The following BTAF1 variants were observed in gnomAD, a reference collection of about 807,000 sequenced individuals.
BTAF1 encodes TATA-binding protein-associated factor 172.
BTAF1 carries 38 observed loss-of-function variants against 227.1 expected under a neutral mutation model. The ratio of observed to expected loss-of-function variants is 0.17; its 90% CI spans 0.13 to 0.22. The LOEUF (loss-of-function observed/expected upper bound fraction) is 0.22, where lower values mean the gene tolerates loss of function less well. BTAF1 is among the 10% of genes least tolerant of loss of function. BTAF1 has a pLI of 1.00. For missense variants in BTAF1, 1,598 were observed against 2,204.0 expected, an observed-to-expected ratio of 0.73 and a Z score of 5.51; for synonymous variants, 742 against 751.9, an observed-to-expected ratio of 0.99 and a Z score of 0.21.
intron 20 of BTAF1, among the ~76,000 whole-genome samples, chr10:91,991,634 T>A (rs1334493748): frequency 6.6e-6 from 1 of 151,324 alleles, no homozygotes. Context: ...CCTGTAGTCC[T>A]AACTCCTCAG....
At chr10:92,024,732 G>GTTTTTTTTTTTTTTTTTTTTTTTTTT in intron 34 of BTAF1, 24 bp from the exon 35 acceptor site, 3 of 1,267,284 alleles carry the variant, frequency 2.4e-6, no homozygotes, top group African/African-American at 1.6e-5. Context: ...CGCTTATGTA[G>GTTTTTTTTTTTTTTTTTTTTTTTTTT]TTTTTTTTTT....
chr10:91,981,139 T>C (rs2133980848), intron 15 of BTAF1, among the ~76,000 whole-genome samples: 1 of 152,300 alleles, frequency 6.6e-6, no homozygotes, highest in African/African-American at 2.4e-5. Flanking sequence ...TGCCATAGGC[T>C]AGTCCTAGCC....
rs1382764527 is a variant in BTAF1 at position 91,999,616 on chromosome 10, C to T, written c.3660+1865C>T. On this transcript the variant is annotated intron_variant, in intron 25 of 37. Transcript: ENST00000265990. ...TCCTTTTTGATCAGGCTGGTCTAAA[C>T]TCCCAACCTCAGGTGATCCTCCCGC... Among the ~76,000 whole-genome samples, 5 of 152,284 alleles carry T rather than the reference C, an allele frequency of 3.3e-5. No individual in the cohort carries two copies. In the East Asian group the frequency reaches 9.6e-4, roughly 29 times the overall value.
At chr10:92,016,964 G>C (rs1294500289) in intron 33 of BTAF1, among the ~76,000 whole-genome samples, 1 of 152,088 alleles carries the variant, frequency 6.6e-6, no homozygotes. Flanking sequence ...TGCAATATAT[G>C]TTTGTATATT....
intron 14 of BTAF1, among the ~76,000 whole-genome samples, chr10:91,978,128 A>G (rs944237452): frequency 6.6e-6 from 1 of 152,346 alleles, no homozygotes; most frequent in African/African-American, 2.4e-5. Context: ...CACACAGAAT[A>G]GTTTAACTGC....
chr10:92,025,502 T>C (rs1436584408), intron 35 of BTAF1, among the ~76,000 whole-genome samples: 2 of 151,066 alleles, frequency 1.3e-5, no homozygotes, highest in East Asian at 3.9e-4. Flanking sequence ...ACTTCAAGAG[T>C]AGCCATTTTT....
chr10:92,001,343 A>G (rs1849514766), intron 25 of BTAF1, among the ~76,000 whole-genome samples: 1 of 152,224 alleles, frequency 6.6e-6, no homozygotes, highest in East Asian at 1.9e-4. Flanking sequence ...ATTCATCTGC[A>G]TGTACTGTGA....
At chr10:92,010,947 G>A (rs1229340412) in intron 28 of BTAF1, 126 bp from the exon 29 acceptor site, 2 of 726,030 alleles carry the variant, frequency 2.8e-6, no homozygotes, top group Non-Finnish European at 4.8e-6. Context: ...TCAGGGTCAT[G>A]TATGTAGAGT....
chr10:91,983,942 C>A (rs1450235585), intron 18 of BTAF1, among the ~76,000 whole-genome samples: 1 of 150,538 alleles, frequency 6.6e-6, no homozygotes, highest in Non-Finnish European at 1.5e-5. Flanking sequence ...TATATATACA[C>A]GTGTAAACTT....
At chr10:91,994,711 G>A (rs1283343251) in intron 23 of BTAF1, 67 bp downstream of exon 23, 2 of 1,335,640 alleles carry the variant, frequency 1.5e-6, no homozygotes, top group East Asian at 4.6e-5. Context: ...AAAGTCTTAA[G>A]GTTTGAAAGG....
Position 92,018,840 on chromosome 10 carries a change from C to T in BTAF1, c.4768C>T (p.His1590Tyr). ...TCCAGCATTAGTCTTAACACCTCAA[C>T]ATCCAGAATTCAAGACCACTGCCGA... ...NHPALVLTPQ[H>Y]PEFKTTAEKL... is the part of the protein sequence containing the mutation. The change falls in exon 34 of 38, where the codon CAT (histidine) becomes TAT (tyrosine). Residue 1590 changes from histidine (H) to tyrosine (Y), a missense_variant. Physicochemically the swap from His to Tyr is moderately conservative, Grantham distance 83 (BLOSUM62 2). Transcript: ENST00000265990. 6.2e-7 allele frequency: 1 copy of T among 1,610,768 alleles called. No individual in the cohort carries two copies. The highest frequency in any genetic ancestry group is 2.2e-5 in the East Asian group (1 of 44,812).
intron 25 of BTAF1, among the ~76,000 whole-genome samples, chr10:92,001,861 C>G (rs987028074): frequency 2.7e-5 from 4 of 150,814 alleles, no homozygotes; most frequent in African/African-American, 9.8e-5. Flanking sequence ...CTCTGTAACA[C>G]CAGCACTTTG....
chr10:91,979,300 A>G (rs1185699824), intron 14 of BTAF1, among the ~76,000 whole-genome samples: 1 of 152,138 alleles, frequency 6.6e-6, no homozygotes, highest in African/African-American at 2.4e-5. Context: ...ATATGTCTTT[A>G]TGATATAATG....
intron 30 of BTAF1, among the ~76,000 whole-genome samples, chr10:92,012,785 A>G (rs1306500694): frequency 6.6e-6 from 1 of 151,752 alleles, no homozygotes; most frequent in Non-Finnish European, 1.5e-5. Context: ...AAAAAAAAAA[A>G]AAAAAGCTTA....
chr10:91,956,671 A>G lies in BTAF1; in HGVS notation c.831+14A>G. 6.2e-7 allele frequency: 1 copy of G among 1,605,472 alleles called. No homozygotes were observed. Among genetic ancestry groups the G allele is most frequent in the Non-Finnish European group, 8.5e-7 (1 of 1,177,786 alleles). On this transcript the variant is annotated intron_variant, in intron 7 of 37. Coordinates refer to ENST00000265990, the MANE Select transcript of BTAF1 (RefSeq NM_003972.3). ...TTAATTGAAGAGGTACTCTTGAAAG[A>G]CTCTAAAGTATCCATTAAAATTGCT...
chr10:92,013,875 C>T (rs1850530622), intron 31 of BTAF1, 24 bp from the exon 32 acceptor site: 4 of 1,612,648 alleles, frequency 2.5e-6, no homozygotes, highest in Non-Finnish European at 3.4e-6. Context: ...TTTTTGAAGC[C>T]ATTTTCTCTT....
At chr10:91,948,941 C>T (rs889937313) in intron 4 of BTAF1, among the ~76,000 whole-genome samples, 3 of 152,034 alleles carry the variant, frequency 2.0e-5, no homozygotes, top group Admixed American at 6.6e-5. Flanking sequence ...TGATTCTCTA[C>T]CAAGGTATCC....
chr10:92,001,983 T>TAC (rs1449003789), intron 25 of BTAF1, among the ~76,000 whole-genome samples: 1,280 of 89,258 alleles, frequency 0.014, 32 homozygotes, highest in African/African-American at 0.038. Context: ...TATATATATA[T>TAC]ATACACACAC....
chr10:91,978,369 A>C (rs1282563201), intron 14 of BTAF1, among the ~76,000 whole-genome samples: 1 of 152,092 alleles, frequency 6.6e-6, no homozygotes, highest in East Asian at 1.9e-4. Context: ...AGGGTCGGGG[A>C]ACAGAGTTGG....
Sources: gnomAD v4.1 joint callset for allele counts (sites outside exome capture counted in the v4.1 genomes callset) on GRCh38, gnomAD v4.1.1 for gene constraint, MANE v1.5 for transcripts, NCBI Gene and HGNC (gene_info 2026-07-23, HGNC 2026-07-21) for gene names.